Variants in NRXN3 observed in about 807,000 individuals in gnomAD.
NRXN3 encodes neurexin 3.
Under a neutral mutation model 137.6 loss-of-function variants are expected in NRXN3, and 32 were observed. The observed-to-expected ratio is 0.23, with a 90% CI of 0.18 to 0.31. The LOEUF is 0.31. Ranked by LOEUF, NRXN3 falls within the 10% of genes least tolerant of loss-of-function variation. The pLI is 1.00. For synonymous variants in NRXN3, 798 were observed against 784.5 expected, an observed-to-expected ratio of 1.02 and a Z score of -0.29; for missense variants, 1,574 against 2,062.5, an observed-to-expected ratio of 0.76 and a Z score of 4.59.
chr14:79,275,720 C>A (rs1466049955), intron 15 of NRXN3, among the ~76,000 whole-genome samples: 5 of 150,468 alleles, frequency 3.3e-5, no homozygotes, highest in Non-Finnish European at 5.9e-5. Flanking sequence ...CATTCTCTTG[C>A]AGGGTGAGGA....
intron 15 of NRXN3, among the ~76,000 whole-genome samples, chr14:79,201,848 A>T (rs552445731): frequency 6.6e-6 from 1 of 152,338 alleles, no homozygotes; most frequent in South Asian, 2.1e-4. Flanking sequence ...TTTCTACGTC[A>T]CTACATATTT....
At chr14:78,475,583 T>C (rs1223618448) in intron 4 of NRXN3, among the ~76,000 whole-genome samples, 1 of 152,102 alleles carries the variant, frequency 6.6e-6, no homozygotes, top group African/African-American at 2.4e-5. Flanking sequence ...GAGAGTGAAA[T>C]GTAAATAAGA....
chr14:78,940,170 A>G (rs1423758118), intron 10 of NRXN3, among the ~76,000 whole-genome samples: 1 of 152,214 alleles, frequency 6.6e-6, no homozygotes, highest in African/African-American at 2.4e-5. Context: ...AGTACTCGAC[A>G]TTTGCTGAAC....
intron 19 of NRXN3, among the ~76,000 whole-genome samples, chr14:79,787,677 C>G (rs777396629): frequency 5.9e-5 from 9 of 152,160 alleles, no homozygotes; most frequent in Admixed American, 2.6e-4. Flanking sequence ...GCTTATTTCA[C>G]TTAGCATAAT....
At chr14:78,351,085 A>G (rs1173559930) in intron 4 of NRXN3, among the ~76,000 whole-genome samples, 1 of 152,174 alleles carries the variant, frequency 6.6e-6, no homozygotes, top group Non-Finnish European at 1.5e-5. Context: ...AGACTTTCCT[A>G]TGTTAGTCTC....
At chr14:79,812,930 T>C (rs2099239462) in intron 20 of NRXN3, among the ~76,000 whole-genome samples, 1 of 152,196 alleles carries the variant, frequency 6.6e-6, no homozygotes, top group Admixed American at 6.5e-5. Context: ...AGAGAAGTTT[T>C]TATGGGATTT....
chr14:79,549,824 G>A (rs142478310), intron 16 of NRXN3, among the ~76,000 whole-genome samples: 160 of 152,174 alleles, frequency 1.1e-3, no homozygotes, highest in Non-Finnish European at 2.0e-3. Flanking sequence ...AGCCACATCT[G>A]TCTACCGAGG....
At chr14:78,203,695 A>G (rs1360353664) in intron 1 of NRXN3, among the ~76,000 whole-genome samples, 1 of 152,190 alleles carries the variant, frequency 6.6e-6, no homozygotes, top group East Asian at 1.9e-4. Context: ...AATGATAAAC[A>G]CTAATACTGA....
chr14:79,536,939 T>A (rs1006776596), intron 16 of NRXN3, among the ~76,000 whole-genome samples: 4 of 152,188 alleles, frequency 2.6e-5, no homozygotes, highest in African/African-American at 9.7e-5. Flanking sequence ...TGTATCCTTA[T>A]AACAGAATGA....
At chr14:79,160,227 A>T (rs887401209) in intron 15 of NRXN3, among the ~76,000 whole-genome samples, 3 of 151,998 alleles carry the variant, frequency 2.0e-5, no homozygotes, top group African/African-American at 7.2e-5. Context: ...AGTTGAAAAG[A>T]AGAAAAATAA....
At chr14:79,126,240 A>G (rs1018430249) in intron 15 of NRXN3, among the ~76,000 whole-genome samples, 2 of 152,040 alleles carry the variant, frequency 1.3e-5, no homozygotes, top group Non-Finnish European at 2.9e-5. Flanking sequence ...TTAGTTACCT[A>G]TGTATACATG....
chr14:78,307,025 G>A (rs1341455755), intron 4 of NRXN3, among the ~76,000 whole-genome samples: 3 of 152,066 alleles, frequency 2.0e-5, no homozygotes, highest in Admixed American at 6.6e-5. Flanking sequence ...GAAATTGTTA[G>A]GTAATCATTT....
intron 4 of NRXN3, among the ~76,000 whole-genome samples, chr14:78,603,847 G>T (rs2097222006): frequency 6.6e-6 from 1 of 152,230 alleles, no homozygotes; most frequent in South Asian, 2.1e-4. Flanking sequence ...GAAGTTGTTG[G>T]CACCGACAGT....
chr14:78,704,672 G>A (rs74960245), intron 6 of NRXN3, among the ~76,000 whole-genome samples: 5,839 of 152,192 alleles, frequency 0.038, 160 homozygotes, highest in Non-Finnish European at 0.06. Flanking sequence ...CCCCAGTGCA[G>A]TCAGAGAGAT....
rs189859243 is a variant in NRXN3 at position 79,698,348 on chromosome 14, A to T, written c.4014+411A>T. ...TTCACATTCTCCAGATGGCTTTGCT[A>T]TAACATGAATCTTTCATTATTGAGG... On this transcript the variant is annotated intron_variant, in intron 19 of 20. Coordinates refer to ENST00000335750, the MANE Select transcript of NRXN3 (RefSeq NM_001330195.2). 4.0e-4 allele frequency among the ~76,000 whole-genome samples: 61 copies of T among 152,158 alleles called. 1 individual carries two copies. The South Asian group carries it at 6.6e-3, about 17-fold the overall frequency.
At chr14:79,782,117 G>GT (rs2099115708) in intron 19 of NRXN3, among the ~76,000 whole-genome samples, 1 of 152,154 alleles carries the variant, frequency 6.6e-6, no homozygotes. Flanking sequence ...AATGCTCGAA[G>GT]TATTAAGTGT....
rs758576895 is a variant in NRXN3 at position 78,645,415 on chromosome 14, C to T, written c.1053C>T (p.Leu351=). 1.0e-5 allele frequency: 16 copies of T among 1,582,698 alleles called. No homozygotes were observed. Among genetic ancestry groups the T allele is most frequent in the Non-Finnish European group, 1.4e-5 (16 of 1,169,560 alleles). ...AWHDVKVTRN[L]RQVTISVDGI... The stretch of plus-strand genomic sequence containing the variant: ...ATGATGTCAAAGTGACACGCAACCT[C>T]CGGCAGGTAATGGCTGAGGGGAGAG... Residue 351 remains leucine (L), a synonymous_variant, in exon 5 of 21, where the codon CTC becomes CTT. Transcript: ENST00000335750.
At chr14:78,286,348 T>C (rs1327629265) in intron 3 of NRXN3, among the ~76,000 whole-genome samples, 1 of 152,176 alleles carries the variant, frequency 6.6e-6, no homozygotes, top group Non-Finnish European at 1.5e-5. Flanking sequence ...GATGAGACCA[T>C]TGCGAGACTA....
chr14:79,862,105 A>G lies in NRXN3; in HGVS notation c.*141A>G. The G allele has an allele frequency of 1.4e-6, 1 of 722,848 alleles. No individual in the cohort carries two copies. The allele number at this position is 722,848 out of a possible 1,614,324, so 44.8% of individuals were successfully genotyped here. ...TATAACCACGACTCTGGTGGGGAAA[A>G]CCGTTTTTTAAAGGACACACACACA... is the stretch of plus-strand genomic sequence containing the variant. On this transcript the variant is annotated 3_prime_UTR_variant, in exon 21 of 21. Transcript: ENST00000335750.
Sources: gnomAD v4.1 joint callset for allele counts (sites outside exome capture counted in the v4.1 genomes callset) on GRCh38, gnomAD v4.1.1 for gene constraint, MANE v1.5 for transcripts, NCBI Gene and HGNC (gene_info 2026-07-23, HGNC 2026-07-21) for gene names.